The following SLC35F3 variants were observed in gnomAD, a reference collection of about 807,000 sequenced individuals.
The protein encoded by SLC35F3 is putative thiamine transporter SLC35F3.
Under a neutral mutation model 49.9 loss-of-function variants are expected in SLC35F3, and 25 were observed. The observed-to-expected ratio is 0.50, with a 90% CI of 0.37 to 0.70. The LOEUF is 0.70. SLC35F3 is among the 30% of genes least tolerant of loss of function. The pLI, the probability that SLC35F3 is intolerant of heterozygous loss-of-function variation, is 0.00. For synonymous variants in SLC35F3, 275 were observed against 265.4 expected, an observed-to-expected ratio of 1.04 and a Z score of -0.35; for missense variants, 525 against 639.8, an observed-to-expected ratio of 0.82 and a Z score of 1.94.
At chr1:234,149,848 C>T (rs915064596) in intron 2 of SLC35F3, among the ~76,000 whole-genome samples, 1 of 152,124 alleles carries the variant, frequency 6.6e-6, no homozygotes, top group Non-Finnish European at 1.5e-5. Context: ...AAATGCTTTG[C>T]CATTCAAAAT....
intron 2 of SLC35F3, among the ~76,000 whole-genome samples, chr1:233,959,776 T>A (rs549291020): frequency 6.6e-6 from 1 of 152,314 alleles, no homozygotes; most frequent in South Asian, 2.1e-4. Flanking sequence ...GAGTGGGGAT[T>A]AGATCCACGC....
intron 2 of SLC35F3, among the ~76,000 whole-genome samples, chr1:234,033,118 G>A (rs2102849260): frequency 6.6e-6 from 1 of 151,958 alleles, no homozygotes; most frequent in South Asian, 2.1e-4. Flanking sequence ...GTGATGTTGA[G>A]CATTTTCCCT....
chr1:234,232,533 A>AAAAG (rs1667399779), intron 3 of SLC35F3, among the ~76,000 whole-genome samples: 1 of 151,070 alleles, frequency 6.6e-6, no homozygotes, highest in South Asian at 2.1e-4. Flanking sequence ...AAAAAAAAAA[A>AAAAG]AAAAAAAGAA....
At chr1:233,984,014 A>G (rs570937509) in intron 2 of SLC35F3, among the ~76,000 whole-genome samples, 3 of 152,290 alleles carry the variant, frequency 2.0e-5, no homozygotes, top group East Asian at 1.9e-4. Context: ...TGTTGCCCCA[A>G]CCACATCCTG....
rs980986341 is a variant in SLC35F3, at chr1:234,077,084, A to G, written c.284-154333A>G. Among the ~76,000 whole-genome samples, 3 of 148,086 alleles carry G rather than the reference A, an allele frequency of 2.0e-5. No homozygotes were observed. In the Admixed American group the frequency reaches 2.0e-4, roughly 10 times the overall value. On this transcript the variant is annotated intron_variant, in intron 2 of 7. Transcript: ENST00000366618. ...CAGTGGCGCAATCTCGGCTCACTGC[A>G]AGCTCCGCTTCCCGGGTTCACGCCA...
chr1:233,980,529 A>G (rs907367178), intron 2 of SLC35F3, among the ~76,000 whole-genome samples: 3 of 152,204 alleles, frequency 2.0e-5, no homozygotes, highest in Non-Finnish European at 4.4e-5. Flanking sequence ...ATTGCTTTCT[A>G]GAAGCCTAAA....
intron 2 of SLC35F3, among the ~76,000 whole-genome samples, chr1:234,043,175 C>T (rs776567902): frequency 1.3e-5 from 2 of 152,160 alleles, no homozygotes; most frequent in Non-Finnish European, 2.9e-5. Flanking sequence ...CTCTCCTCCC[C>T]CTCCTCAGAG....
At position 234,275,757 on chromosome 1, in the gene SLC35F3, AAAAAAAAT is replaced by A. The variant is rs61254926; in HGVS notation, c.609-33342_609-33335del. On this transcript the variant is annotated intron_variant, in intron 3 of 7. Coordinates refer to ENST00000366618, the MANE Select transcript of SLC35F3 (RefSeq NM_173508.4). ...AAACATCATTGGTAAGTATTGAAAA[AAAAAAAAT>A]ATATATATATATATATAGCACAGAA... Among the ~76,000 whole-genome samples the A allele has an allele frequency of 6.0e-3, 830 of 138,274 alleles. 19 individuals are homozygous for A. In the East Asian group the frequency reaches 0.067, roughly 11 times the overall value. 90.7% of individuals were successfully genotyped at this position (138,274 alleles called of 152,430 possible). A position where few individuals can be genotyped will look rare whatever the true frequency, so the allele number is the denominator to read the frequency against.
At position 233,973,239 on chromosome 1, in the gene SLC35F3, A is replaced by G. The variant is rs144938580; in HGVS notation, c.283+67481A>G. On this transcript the variant is annotated intron_variant, in intron 2 of 7. Coordinates refer to ENST00000366618, the MANE Select transcript of SLC35F3 (RefSeq NM_173508.4). ...GTGAGAGCCACAGCTTGCAAAGCAG[A>G]GCCCCAGGACTTGACTTCACAGTCT... Among the ~76,000 whole-genome samples, 291 of 152,322 alleles carry G rather than the reference A, an allele frequency of 1.9e-3. 2 individuals are homozygous for G. The highest frequency in any genetic ancestry group is 6.6e-3 in the African/African-American group (275 of 41,586).
At chr1:234,173,252 T>C (rs1359005633) in intron 2 of SLC35F3, among the ~76,000 whole-genome samples, 1 of 152,148 alleles carries the variant, frequency 6.6e-6, no homozygotes, top group African/African-American at 2.4e-5. Context: ...AATACTTATA[T>C]AGGATTATTA....
At chr1:234,045,085 T>C (rs1664270266) in intron 2 of SLC35F3, among the ~76,000 whole-genome samples, 1 of 152,208 alleles carries the variant, frequency 6.6e-6, no homozygotes, top group East Asian at 1.9e-4. Context: ...ATATAAAGCA[T>C]TTAAATAGCA....
At chr1:233,974,174 C>CTTTTTTTTTTTTT (rs757673463) in intron 2 of SLC35F3, among the ~76,000 whole-genome samples, 3 of 83,112 alleles carry the variant, frequency 3.6e-5, no homozygotes, top group African/African-American at 5.7e-5. Flanking sequence ...ATTTCTATTT[C>CTTTTTTTTTTTTT]TTTTTTTTTT....
At chr1:234,135,602 G>A (rs1011591872) in intron 2 of SLC35F3, among the ~76,000 whole-genome samples, 2 of 152,218 alleles carry the variant, frequency 1.3e-5, no homozygotes, top group Non-Finnish European at 2.9e-5. Context: ...GAAACCAGGT[G>A]CAAGTTTCCA....
At chr1:234,168,699 A>G (rs1405434175) in intron 2 of SLC35F3, among the ~76,000 whole-genome samples, 3 of 152,228 alleles carry the variant, frequency 2.0e-5, no homozygotes, top group African/African-American at 4.8e-5. Context: ...TATGCCCAGC[A>G]GAACAGTGAG....
chr1:234,011,336 G>A (rs1663717444), intron 2 of SLC35F3, among the ~76,000 whole-genome samples: 1 of 152,152 alleles, frequency 6.6e-6, no homozygotes, highest in Non-Finnish European at 1.5e-5. Context: ...ATTGCAGAGT[G>A]CTTTCACACT....
chr1:234,104,907 G>A (rs1665261656), intron 2 of SLC35F3, among the ~76,000 whole-genome samples: 1 of 152,154 alleles, frequency 6.6e-6, no homozygotes, highest in Admixed American at 6.5e-5. Context: ...GAGGCAGGCG[G>A]ATCACGGGGT....
intron 7 of SLC35F3, among the ~76,000 whole-genome samples, chr1:234,322,702 T>G (rs79213830): frequency 1.3e-5 from 2 of 149,590 alleles, no homozygotes; most frequent in African/African-American, 2.5e-5. Flanking sequence ...CTATCTCTCA[T>G]CTCCTCAACT....
intron 2 of SLC35F3, among the ~76,000 whole-genome samples, chr1:234,042,073 C>T (rs548606100): frequency 6.6e-6 from 1 of 152,140 alleles, no homozygotes; most frequent in African/African-American, 2.4e-5. Flanking sequence ...GTCACTCTTC[C>T]CTGACGTCAA....
intron 2 of SLC35F3, among the ~76,000 whole-genome samples, chr1:234,125,827 A>G (rs900081955): frequency 1.3e-5 from 2 of 151,830 alleles, no homozygotes; most frequent in Non-Finnish European, 2.9e-5. Context: ...CTGCCTCTCC[A>G]TTTTCATCTT....
Sources: allele counts gnomAD v4.1 joint callset (sites outside exome capture counted in the v4.1 genomes callset), GRCh38; gene constraint gnomAD v4.1.1; transcripts MANE v1.5; gene names NCBI Gene and HGNC (gene_info 2026-07-23, HGNC 2026-07-21).